Variants in DLG1 observed in about 807,000 individuals in gnomAD.
The protein encoded by DLG1 is disks large homolog 1.
In DLG1, 42 loss-of-function variants were observed where a neutral mutation model predicts 123.4. That is an observed-to-expected ratio of 0.34 (90% CI 0.27 to 0.44). The LOEUF (loss-of-function observed/expected upper bound fraction) is 0.44, where lower values mean the gene tolerates loss of function less well. DLG1 is among the 20% of genes least tolerant of loss of function. DLG1 has a pLI of 1.00. For synonymous variants in DLG1, 317 were observed against 356.2 expected (o/e 0.89, Z 1.24); for missense variants, 942 against 1,082.6 (o/e 0.87, Z 1.82).
At chr3:197,159,922 A>G (rs1054781399) in intron 5 of DLG1, among the ~76,000 whole-genome samples, 1 of 152,214 alleles carries the variant, frequency 6.6e-6, no homozygotes, top group Non-Finnish European at 1.5e-5. Flanking sequence ...GAAATATGAG[A>G]TAACACTAAA....
intron 4 of DLG1, among the ~76,000 whole-genome samples, chr3:197,204,078 T>C (rs1220679440): frequency 6.6e-6 from 1 of 152,206 alleles, no homozygotes; most frequent in Non-Finnish European, 1.5e-5. Flanking sequence ...GCCAAGAGCT[T>C]TTCTGTTCTC....
chr3:197,123,485 C>T (rs946643476), intron 11 of DLG1, among the ~76,000 whole-genome samples: 16 of 151,932 alleles, frequency 1.1e-4, no homozygotes, highest in African/African-American at 3.4e-4. Context: ...TAAGCACAGG[C>T]AAAAATGCTG....
rs1362417124 is a variant in DLG1, at chr3:197,085,764, C to A, written c.1662-8G>T. The stretch of plus-strand genomic sequence containing the variant: ...TCATAATCAAAAAGGGCTCTAGAGT[C>A]AGAAGAAAAAAAGTCCATAATCACT... On this transcript the variant is annotated splice_polypyrimidine_tract_variant and splice_region_variant and intron_variant, in intron 15 of 24. Transcript: ENST00000667157. 7 of 1,599,058 alleles carry A rather than the reference C, an allele frequency of 4.4e-6. No individual in the cohort carries two copies. Among genetic ancestry groups the A allele is most frequent in the Admixed American group, 3.6e-5 (2 of 55,824 alleles).
chr3:197,147,339 T>C (rs1481282529), intron 6 of DLG1, among the ~76,000 whole-genome samples: 1 of 152,076 alleles, frequency 6.6e-6, no homozygotes, highest in African/African-American at 2.4e-5. Flanking sequence ...TACTTGCACA[T>C]GCATGTTTAT....
At chr3:197,149,556 A>G (rs1242727364) in intron 6 of DLG1, among the ~76,000 whole-genome samples, 187 bp downstream of exon 6, 1 of 152,092 alleles carries the variant, frequency 6.6e-6, no homozygotes, top group African/African-American at 2.4e-5. Flanking sequence ...TACAAAAGGA[A>G]AAAAAAATGA....
At chr3:197,145,078 C>T (rs1296817487) in intron 6 of DLG1, among the ~76,000 whole-genome samples, 1 of 151,996 alleles carries the variant, frequency 6.6e-6, no homozygotes, top group Non-Finnish European at 1.5e-5. Flanking sequence ...CACACACACA[C>T]ACGTAAAATC....
intron 5 of DLG1, among the ~76,000 whole-genome samples, chr3:197,191,162 T>C (rs140911218): frequency 3.2e-4 from 48 of 152,218 alleles, no homozygotes; most frequent in African/African-American, 1.1e-3. Flanking sequence ...ACTGGTGAAA[T>C]CCATAGCATC....
At chr3:197,112,508 A>C (rs1160290235) in intron 13 of DLG1, among the ~76,000 whole-genome samples, 1 of 152,124 alleles carries the variant, frequency 6.6e-6, no homozygotes, top group African/African-American at 2.4e-5. Context: ...GGAGATATTT[A>C]TATATTGTGG....
rs144281308 is a variant in DLG1, at chr3:197,130,759, G to A, written c.1021-88C>T. The A allele has an allele frequency of 3.0e-5, 34 of 1,124,378 alleles. No homozygotes were observed. In the African/African-American group the frequency reaches 4.8e-4, roughly 16 times the overall value. 69.7% of individuals were successfully genotyped at this position (1,124,378 alleles called of 1,614,324 possible). ...TTTCACGAAAAGAAAGGGAAAATAA[G>A]AGAGTGGTTTAAGGAAAATAAAGGT... is the stretch of plus-strand genomic sequence containing the variant. On this transcript the variant is annotated intron_variant, in intron 10 of 24. Transcript: ENST00000667157.
chr3:197,045,561 T>TGAGA (rs1722376410), intron 24 of DLG1, among the ~76,000 whole-genome samples: 1 of 147,480 alleles, frequency 6.8e-6, no homozygotes. Context: ...GGGAACATAG[T>TGAGA]GAGACCCTGT....
intron 4 of DLG1, among the ~76,000 whole-genome samples, chr3:197,201,199 C>G (rs1725516090): frequency 6.6e-6 from 1 of 152,128 alleles, no homozygotes; most frequent in Non-Finnish European, 1.5e-5. Flanking sequence ...CAGGCTAACA[C>G]AGTGAAAACC....
chr3:197,148,082 T>C (rs888757223), intron 6 of DLG1, among the ~76,000 whole-genome samples: 1 of 150,574 alleles, frequency 6.6e-6, no homozygotes, highest in African/African-American at 2.4e-5. Flanking sequence ...AACAAAACAA[T>C]TCCATTTATA....
intron 4 of DLG1, among the ~76,000 whole-genome samples, chr3:197,268,984 A>G (rs1307034333): frequency 6.6e-6 from 1 of 152,184 alleles, no homozygotes; most frequent in Non-Finnish European, 1.5e-5. Flanking sequence ...AGGTCTTCAG[A>G]GGCAATAGCA....
At chr3:197,147,141 T>C (rs1791203795) in intron 6 of DLG1, among the ~76,000 whole-genome samples, 1 of 151,764 alleles carries the variant, frequency 6.6e-6, no homozygotes. Context: ...TAAAAAAAAA[T>C]AGATGTTGGC....
At chr3:197,164,367 A>G (rs1800242744) in intron 5 of DLG1, among the ~76,000 whole-genome samples, 1 of 152,134 alleles carries the variant, frequency 6.6e-6, no homozygotes, top group African/African-American at 2.4e-5. Context: ...ATTGCACTCC[A>G]GCCTGGGCAA....
chr3:197,048,859 G>A (rs1725268361), intron 24 of DLG1, among the ~76,000 whole-genome samples: 1 of 152,128 alleles, frequency 6.6e-6, no homozygotes, highest in African/African-American at 2.4e-5. Context: ...GTTTCGCCAT[G>A]TTGGTCAGGC....
intron 4 of DLG1, among the ~76,000 whole-genome samples, chr3:197,226,878 G>A (rs1740250821): frequency 6.6e-6 from 1 of 152,132 alleles, no homozygotes; most frequent in South Asian, 2.1e-4. Flanking sequence ...TGGCAGAAAA[G>A]CTATCATTAA....
intron 16 of DLG1, chr3:197,085,223 G>C (rs1193643434): frequency 5.2e-6 from 1 of 191,560 alleles, no homozygotes; most frequent in Non-Finnish European, 1.1e-5. Flanking sequence ...TTTTTGGGGG[G>C]TAAGAACACT....
At chr3:197,051,731 C>A in intron 23 of DLG1, 63 bp from the exon 24 acceptor site, 3 of 1,269,556 alleles carry the variant, frequency 2.4e-6, no homozygotes, top group South Asian at 1.3e-5. Context: ...AAAAAGATGG[C>A]AAAGGAGAGA....
Sources: gnomAD v4.1 joint callset for allele counts (sites outside exome capture counted in the v4.1 genomes callset) on GRCh38, gnomAD v4.1.1 for gene constraint, MANE v1.5 for transcripts, NCBI Gene and HGNC (gene_info 2026-07-23, HGNC 2026-07-21) for gene names.